The following AADACL4 variants were observed in gnomAD, a reference collection of about 807,000 sequenced individuals.
AADACL4 encodes arylacetamide deacetylase-like 4.
AADACL4 carries 9 observed loss-of-function variants against 14.1 expected under a neutral mutation model. The ratio of observed to expected loss-of-function variants is 0.64; its 90% confidence interval spans 0.39 to 1.12. The LOEUF is 1.12. AADACL4 is among the 50% of genes most tolerant of loss of function. AADACL4 has a pLI of 0.01. For missense variants in AADACL4, 531 were observed against 516.1 expected (o/e 1.03, Z -0.28); for synonymous variants, 188 against 201.6 (o/e 0.93, Z 0.57).
At chr1:12,645,701 G>C (rs1264932783) in intron 1 of AADACL4, among the ~76,000 whole-genome samples, 2 of 151,958 alleles carry the variant, frequency 1.3e-5, no homozygotes, top group Non-Finnish European at 2.9e-5. Flanking sequence ...GCACCACCAT[G>C]CCCGGCTAAT....
intron 3 of AADACL4, 151 bp downstream of exon 3, chr1:12,662,005 A>C: frequency 1.2e-6 from 1 of 852,030 alleles, no homozygotes; most frequent in South Asian, 1.7e-5. Flanking sequence ...TGCTCGAAAG[A>C]GCAAAAACCT....
rs368428504 is a variant in AADACL4, at chr1:12,651,914, C to T, written c.385+575C>T. 6.0e-5 allele frequency among the ~76,000 whole-genome samples: 9 copies of T among 150,388 alleles called. No individual in the cohort carries two copies. The South Asian group carries it at 1.9e-3, about 32-fold the overall frequency. On this transcript the variant is annotated intron_variant, in intron 2 of 3. Coordinates refer to ENST00000376221, the MANE Select transcript of AADACL4 (RefSeq NM_001013630.2). Reference sequence around the variant, plus strand: ...CGTGATCTCGGCTCACTGCAAGCTGCGCCTCTCGGGTTCACGCCATTCTCC... The same window carrying T: ...CGTGATCTCGGCTCACTGCAAGCTGTGCCTCTCGGGTTCACGCCATTCTCC...
intron 2 of AADACL4, among the ~76,000 whole-genome samples, chr1:12,659,200 T>C (rs2256901): frequency 0.03 from 4,559 of 152,246 alleles, 96 homozygotes; most frequent in Non-Finnish European, 0.048. Flanking sequence ...TCTAGCTGGA[T>C]CTGTTGTCAT....
intron 2 of AADACL4, among the ~76,000 whole-genome samples, chr1:12,658,139 CCTTTCTTTCTTTCTTT>C (rs1191457132): frequency 2.4e-5 from 2 of 84,858 alleles, no homozygotes; most frequent in Non-Finnish European, 4.3e-5. Flanking sequence ...TTCCTTCCTT[CCTTTCTTTCTTTCTTT>C]CTTTCTTTCT....
Position 12,665,966 on chromosome 1 carries a change from G to T in AADACL4, c.455G>T (p.Arg152Leu). Residue 152 changes from arginine (R) to leucine (L), a missense_variant, in exon 4 of 4, where the codon CGC (arginine) becomes CTC (leucine). Physicochemically the swap from Arg to Leu is moderately radical, Grantham distance 102 (BLOSUM62 -2). Transcript: ENST00000376221. ...TESVLLMIGY[R>L]KLPDHHSPAL... ...GCTCCCTGTTTTCGTTTTAGGTACC[G>T]CAAGCTTCCTGACCACCATTCCCCT... is the stretch of plus-strand genomic sequence containing the variant. The T allele has an allele frequency of 1.2e-6, 2 of 1,602,760 alleles. No individual in the cohort carries two copies. Among genetic ancestry groups the T allele is most frequent in the African/African-American group, 1.3e-5 (1 of 74,678 alleles).
At chr1:12,658,119 C>CTTTCTTTCTTTCTTT (rs1324978643) in intron 2 of AADACL4, among the ~76,000 whole-genome samples, 1 of 117,122 alleles carries the variant, frequency 8.5e-6, no homozygotes, top group African/African-American at 5.0e-5. Context: ...TTCCTTCCTT[C>CTTTCTTTCTTTCTTT]CTTCCTTCCT....
chr1:12,650,126 A>C (rs1054781267), intron 1 of AADACL4, among the ~76,000 whole-genome samples: 2 of 152,142 alleles, frequency 1.3e-5, no homozygotes, highest in African/African-American at 2.4e-5. Flanking sequence ...TGTTCTTGTC[A>C]TTCTTATCAT....
Position 12,666,228 on chromosome 1 carries a change from A to G in AADACL4, c.717A>G (p.Gln239=), listed in dbSNP as rs1388237914. ...AGTTGCCATCCTTTCAGCAGAACCAAAATGTCCCATTACTTTCCCGGAAGT... is the reference window on the plus strand; with the variant it reads ...AGTTGCCATCCTTTCAGCAGAACCAGAATGTCCCATTACTTTCCCGGAAGT... ...CLQLPSFQQN[Q]NVPLLSRKFM... Residue 239 remains glutamine, a synonymous_variant, in exon 4 of 4, where the codon CAA becomes CAG. Transcript: ENST00000376221. 1 of 1,614,108 alleles carries G rather than the reference A, an allele frequency of 6.2e-7. No individual in the cohort carries two copies. The highest frequency in any genetic ancestry group is 8.5e-7 in the Non-Finnish European group (1 of 1,180,052).
At chr1:12,653,562 C>T (rs1025469286) in intron 2 of AADACL4, among the ~76,000 whole-genome samples, 7 of 152,162 alleles carry the variant, frequency 4.6e-5, no homozygotes, top group South Asian at 2.1e-4. Context: ...GGTTTATTAC[C>T]GCACAAACCC....
At chr1:12,661,943 A>G in intron 3 of AADACL4, 89 bp downstream of exon 3, 3 of 1,417,432 alleles carry the variant, frequency 2.1e-6, no homozygotes, top group Non-Finnish European at 3.0e-6. Context: ...GAGAGGCCCT[A>G]ACTCCCAAGA....
In AADACL4 at chr1:12,664,529, G is replaced by A. The variant is rs577903593; in HGVS notation, c.450-1432G>A. Among the ~76,000 whole-genome samples the A allele has an allele frequency of 6.7e-4, 101 of 151,870 alleles. 1 individual carries two copies. The highest frequency in any genetic ancestry group is 2.3e-3 in the African/African-American group (96 of 41,432). On this transcript the variant is annotated intron_variant, in intron 3 of 3. Coordinates refer to ENST00000376221, the MANE Select transcript of AADACL4 (RefSeq NM_001013630.2). ...TTACAGGCTCCCACCACCACACCCC[G>A]CTAATTTTTGTATTTTTAGTAGAGA... is the stretch of plus-strand genomic sequence containing the variant.
chr1:12,655,437 G>A (rs745849656), intron 2 of AADACL4, among the ~76,000 whole-genome samples: 11 of 151,822 alleles, frequency 7.2e-5, no homozygotes, highest in Non-Finnish European at 1.2e-4. Flanking sequence ...TTATGGCATC[G>A]GGTGTCCCCT....
At chr1:12,655,281 G>A (rs1647174673) in intron 2 of AADACL4, among the ~76,000 whole-genome samples, 1 of 152,168 alleles carries the variant, frequency 6.6e-6, no homozygotes, top group African/African-American at 2.4e-5. Context: ...CTGTTTAGGA[G>A]AGAGTAACTG....
chr1:12,657,605 CAAGAG>C (rs1461394364), intron 2 of AADACL4, among the ~76,000 whole-genome samples: 3 of 152,162 alleles, frequency 2.0e-5, no homozygotes, highest in African/African-American at 4.8e-5. Context: ...CAGGCAGACT[CAAGAG>C]AGACACGTGC....
chr1:12,663,569 G>A (rs1312719801), intron 3 of AADACL4, among the ~76,000 whole-genome samples: 1 of 152,098 alleles, frequency 6.6e-6, no homozygotes, highest in Non-Finnish European at 1.5e-5. Context: ...GGAATTTTAG[G>A]GGGACACACA....
chr1:12,649,513 C>A lies in AADACL4; in HGVS notation c.169-1610C>A, dbSNP rs562348477. 2.3e-3 allele frequency among the ~76,000 whole-genome samples: 343 copies of A among 152,292 alleles called. 1 individual carries two copies. The highest frequency in any genetic ancestry group is 4.0e-3 in the Non-Finnish European group (269 of 68,032). On this transcript the variant is annotated intron_variant, in intron 1 of 3. Coordinates refer to ENST00000376221, the MANE Select transcript of AADACL4 (RefSeq NM_001013630.2). ...GTCAGTTGATGGGAAAAGCAGGTGA[C>A]CTCCACCTTGCAGATCAACTCATTC...
rs113519885 is a variant in AADACL4 at position 12,661,639 on chromosome 1, T to G, written c.386-152T>G. ...ACAGATGTATGATTTGGCCTGGTTT[T>G]TTGGCTCTGTCCAGGCAGAGGAGGC... On this transcript the variant is annotated intron_variant, in intron 2 of 3. Coordinates refer to ENST00000376221, the MANE Select transcript of AADACL4 (RefSeq NM_001013630.2). 3.4e-3 allele frequency: 2,599 copies of G among 768,300 alleles called. 40 individuals carry two copies. Among genetic ancestry groups the G allele is most frequent in the African/African-American group, 0.032 (1,789 of 56,740 alleles). 47.6% of individuals were successfully genotyped at this position (768,300 alleles called of 1,614,324 possible).
chr1:12,644,788 C>T, intron 1 of AADACL4, 74 bp downstream of exon 1: 1 of 1,463,938 alleles, frequency 6.8e-7, no homozygotes, highest in Non-Finnish European at 9.4e-7. Flanking sequence ...CCTCTTTTCC[C>T]TCTTTCACTT....
chr1:12,651,681 T>C (rs1362111387), intron 2 of AADACL4, among the ~76,000 whole-genome samples: 2 of 152,000 alleles, frequency 1.3e-5, no homozygotes, highest in Non-Finnish European at 2.9e-5. Flanking sequence ...CCCAAACCCA[T>C]GTATTTCCCT....
Sources: gnomAD v4.1 joint callset for allele counts (sites outside exome capture counted in the v4.1 genomes callset) on GRCh38, gnomAD v4.1.1 for gene constraint, MANE v1.5 for transcripts, NCBI Gene and HGNC (gene_info 2026-07-23, HGNC 2026-07-21) for gene names.